Variants in SARM1 observed in about 807,000 individuals in gnomAD.
The protein encoded by SARM1 is sterile alpha and TIR motif containing 1.
A neutral mutation model predicts 65.1 loss-of-function variants in SARM1; 60 were observed. That is an observed-to-expected ratio of 0.92 (90% CI 0.75 to 1.14). The LOEUF (loss-of-function observed/expected upper bound fraction) is 1.14, where lower values mean the gene tolerates loss of function less well. SARM1 is among the 50% of genes most tolerant of loss of function. The probability of loss-of-function intolerance (pLI) is 0.00; values close to 1 mark genes in which losing one functional copy is unlikely to be tolerated. For synonymous variants in SARM1, 417 were observed against 465.4 expected (o/e 0.90, Z 1.34); for missense variants, 913 against 1,015.7 (o/e 0.90, Z 1.37).
At position 28,402,672 on chromosome 17, in the gene SARM1, C is replaced by T. The variant is rs1232362692; in HGVS notation, c.*6386C>T. On this transcript the variant is annotated 3_prime_UTR_variant, in exon 9 of 9. Transcript: ENST00000585482. ...TTTGGAGTCAGCCCTGAGTTCAAAA[C>T]CTGATGCCATTACATATTATCTGTG... is the stretch of plus-strand genomic sequence containing the variant. 4.9e-6 allele frequency: 1 copy of T among 205,304 alleles called. No individual in the cohort carries two copies. 12.7% of individuals were successfully genotyped at this position (205,304 alleles called of 1,614,324 possible).
rs1567809132 is a variant in SARM1, at chr17:28,388,400, T to A, written c.1784T>A (p.Val595Glu). 6.2e-7 allele frequency: 1 copy of A among 1,613,950 alleles called. No individual in the cohort carries two copies. Among genetic ancestry groups the A allele is most frequent in the South Asian group, 1.1e-5 (1 of 91,080 alleles). Residue 595 changes from valine (V) to glutamate (E), a missense_variant, in exon 7 of 9, where the codon GTG becomes GAG. By Grantham distance (121) the Val-to-Glu change is moderately radical. Coordinates refer to ENST00000585482, the MANE Select transcript of SARM1 (RefSeq NM_015077.4). The part of the protein sequence containing the change: ...QLHGFSVFID[V>E]EKLEAGKFED... ...CATGGCTTCAGTGTCTTCATTGATG[T>A]GGAGAAGCTGGAAGCAGGCAAGTTC... is the stretch of plus-strand genomic sequence containing the variant.
Position 28,381,059 on chromosome 17 carries a change from A to T in SARM1, c.471-144A>T. The T allele has an allele frequency of 4.2e-6, 4 of 961,498 alleles. No individual in the cohort carries two copies. In the South Asian group the frequency reaches 7.3e-5, roughly 18 times the overall value. 59.6% of individuals were successfully genotyped at this position (961,498 alleles called of 1,614,324 possible). On this transcript the variant is annotated intron_variant, in intron 1 of 8. Coordinates refer to ENST00000585482, the MANE Select transcript of SARM1 (RefSeq NM_015077.4). The stretch of plus-strand genomic sequence containing the variant: ...TGGGGTCCTCCCAGGGGAGGAGATG[A>T]GGGTGGGGAGCAGGGAGGGGAATGC...
At position 28,388,304 on chromosome 17, in the gene SARM1, G is replaced by T. The variant is rs557953224; in HGVS notation, c.1733+28G>T. 2.8e-5 allele frequency: 44 copies of T among 1,594,320 alleles called. 1 individual carries two copies. The African/African-American group carries it at 5.2e-4, about 19-fold the overall frequency. Reference sequence around the variant, plus strand: ...GAGGAGGGGCGGGCGGGCAGCGACGGGGCGTGGGGACAAGGCTGTGGCACT... The same window carrying T: ...GAGGAGGGGCGGGCGGGCAGCGACGTGGCGTGGGGACAAGGCTGTGGCACT... On this transcript the variant is annotated intron_variant, in intron 6 of 8. Coordinates refer to ENST00000585482, the MANE Select transcript of SARM1 (RefSeq NM_015077.4).
At position 28,381,202 on chromosome 17, in the gene SARM1, G is replaced by C. The variant is rs369515982; in HGVS notation, c.471-1G>C. The C allele has an allele frequency of 8.2e-6, 13 of 1,590,802 alleles. No individual in the cohort carries two copies. The highest frequency in any genetic ancestry group is 1.3e-5 in the African/African-American group (1 of 74,150). ...TGTCCCCTTCCACTTTCACTGGGCA[G>C]AGACCGCGTGGCGCGCATTGGGCTG... On this transcript the variant is annotated splice_acceptor_variant, in intron 1 of 8. Transcript: ENST00000585482. LOFTEE classifies it high-confidence loss of function.
At position 28,384,951 on chromosome 17, in the gene SARM1, C is replaced by T. The variant is rs782057307; in HGVS notation, c.1394+21C>T. ...AAGAGGTACGGAGCCTCCTGCCCGC[C>T]GGACCCCAGCTAGGTCTAAATAAGC... is the stretch of plus-strand genomic sequence containing the variant. On this transcript the variant is annotated intron_variant, in intron 4 of 8. Coordinates refer to ENST00000585482, the MANE Select transcript of SARM1 (RefSeq NM_015077.4). The surrounding 1 kb of genome is among the most constrained non-coding windows in gnomAD (Gnocchi z 4.4). 14 of 1,576,526 alleles carry T rather than the reference C, an allele frequency of 8.9e-6. No homozygotes were observed. The highest frequency in any genetic ancestry group is 2.3e-5 in the South Asian group (2 of 86,686).
At chr17:28,388,707 A>G (rs2068065441) in intron 7 of SARM1, among the ~76,000 whole-genome samples, 168 bp downstream of exon 7, 1 of 151,942 alleles carries the variant, frequency 6.6e-6, no homozygotes, top group African/African-American at 2.4e-5. Flanking sequence ...ATAGGACTTT[A>G]GCAAACCACA....
At chr17:28,374,591 G>C (rs1486716350) in intron 1 of SARM1, among the ~76,000 whole-genome samples, 4 of 152,112 alleles carry the variant, frequency 2.6e-5, no homozygotes, top group Non-Finnish European at 4.4e-5. Flanking sequence ...CATGAGAATG[G>C]GGCTGGAAAG....
intron 1 of SARM1, among the ~76,000 whole-genome samples, chr17:28,375,547 G>A (rs968484241): frequency 4.0e-5 from 6 of 149,930 alleles, no homozygotes; most frequent in South Asian, 2.1e-4. Flanking sequence ...GCAGTGAGCC[G>A]AGATCGTGCC....
At position 28,400,476 on chromosome 17, in the gene SARM1, G is replaced by C; in HGVS notation, c.*4190G>C. On this transcript the variant is annotated 3_prime_UTR_variant, in exon 9 of 9. Coordinates refer to ENST00000585482, the MANE Select transcript of SARM1 (RefSeq NM_015077.4). ...GATTAGGCAGCCATCTGCAAGGAGAGGGGCAACCTGGGACAAGACACCCAG... is the reference window on the plus strand; with the variant it reads ...GATTAGGCAGCCATCTGCAAGGAGACGGGCAACCTGGGACAAGACACCCAG... 1 of 1,242,834 alleles carries C rather than the reference G, an allele frequency of 8.0e-7. No individual in the cohort carries two copies. The highest frequency in any genetic ancestry group is 1.5e-5 in the South Asian group (1 of 65,500). The allele number at this position is 1,242,834 out of a possible 1,614,324, so 77.0% of individuals were successfully genotyped here.
In SARM1 at chr17:28,384,482, C is replaced by T. The variant is rs2068039455; in HGVS notation, c.1215C>T (p.Ile405=). Reference sequence around the variant, plus strand: ...TGGGCGAGGAGGTGCCACGGCCCATCCTGCCCTCCGTGCCCAGCTGGAAGG... The same window carrying T: ...TGGGCGAGGAGGTGCCACGGCCCATTCTGCCCTCCGTGCCCAGCTGGAAGG... The part of the protein sequence containing the change: ...RLLGEEVPRP[I]LPSVPSWKEA... Residue 405 remains isoleucine, a synonymous_variant, in exon 3 of 9, where the codon ATC becomes ATT. Coordinates refer to ENST00000585482, the MANE Select transcript of SARM1 (RefSeq NM_015077.4). This position sits in a 1 kb window ranked among gnomAD's most constrained non-coding sequence, Gnocchi z 4.4. 1 of 1,613,728 alleles carries T rather than the reference C, an allele frequency of 6.2e-7. No individual in the cohort carries two copies. Among genetic ancestry groups the T allele is most frequent in the Non-Finnish European group, 8.5e-7 (1 of 1,179,756 alleles).
intron 1 of SARM1, among the ~76,000 whole-genome samples, chr17:28,375,371 G>GC (rs58765625): frequency 1 from 152,328 of 152,330 alleles, 76,163 homozygotes; most frequent in Non-Finnish European, 1. Flanking sequence ...GCCCAGGCGG[G>GC]AGATTGCCTG....
rs781974970 is a variant in SARM1 at position 28,402,528 on chromosome 17, A to G, written c.*6242A>G. On this transcript the variant is annotated 3_prime_UTR_variant, in exon 9 of 9. Coordinates refer to ENST00000585482, the MANE Select transcript of SARM1 (RefSeq NM_015077.4). ...CTTGGCCACCTGCTAGCTCTCATGA[A>G]TGAATGCTAATTCCCATTGATTGCT... 1.9e-4 allele frequency: 96 copies of G among 496,320 alleles called. No homozygotes were observed. The highest frequency in any genetic ancestry group is 2.9e-4 in the Admixed American group (9 of 31,198). The allele number at this position is 496,320 out of a possible 1,614,324, so 30.7% of individuals were successfully genotyped here. A position where few individuals can be genotyped will look rare whatever the true frequency, so the allele number is the denominator to read the frequency against.
chr17:28,384,635 C>G lies in SARM1; in HGVS notation c.1302+66C>G. On this transcript the variant is annotated intron_variant, in intron 3 of 8. Transcript: ENST00000585482. The surrounding 1 kb of genome is among the most constrained non-coding windows in gnomAD (Gnocchi z 4.4). ...GCGCCCTGTGCACAGGGACTGCGTT[C>G]CCTCCCCGCCTCGCAATCCCGCGGC... The G allele has an allele frequency of 7.0e-7, 1 of 1,433,954 alleles. No individual in the cohort carries two copies. The highest frequency in any genetic ancestry group is 2.5e-5 in the East Asian group (1 of 40,156). The allele number at this position is 1,433,954 out of a possible 1,614,324, so 88.8% of individuals were successfully genotyped here.
At chr17:28,380,114 G>A (rs1264471635) in intron 1 of SARM1, among the ~76,000 whole-genome samples, 1 of 134,000 alleles carries the variant, frequency 7.5e-6, no homozygotes, top group Non-Finnish European at 1.5e-5. Context: ...TTGACACAGG[G>A]TCTCACTTTG....
In SARM1 at chr17:28,400,724, A is replaced by G. The variant is rs199727773; in HGVS notation, c.*4438A>G. 119 of 1,600,932 alleles carry G rather than the reference A, an allele frequency of 7.4e-5. No homozygotes were observed. Among genetic ancestry groups the G allele is most frequent in the Middle Eastern group, 1.7e-4 (1 of 5,866 alleles). ...GTTGAAGATGCCGGAGGCCGTCAGC[A>G]TGGCCAGGCTATTCACACAGGCCAC... On this transcript the variant is annotated 3_prime_UTR_variant, in exon 9 of 9. Coordinates refer to ENST00000585482, the MANE Select transcript of SARM1 (RefSeq NM_015077.4).
chr17:28,390,479 G>A (rs979828073), intron 7 of SARM1, among the ~76,000 whole-genome samples: 2 of 152,148 alleles, frequency 1.3e-5, no homozygotes, highest in East Asian at 3.8e-4. Flanking sequence ...AACTTGTGGA[G>A]CAATTTCAAG....
rs1555585790 is a variant in SARM1, at chr17:28,385,024, C to T, written c.1395-16C>T. 1.2e-6 allele frequency: 2 copies of T among 1,611,810 alleles called. No individual in the cohort carries two copies. Among genetic ancestry groups the T allele is most frequent in the Admixed American group, 1.7e-5 (1 of 59,914 alleles). On this transcript the variant is annotated splice_polypyrimidine_tract_variant and intron_variant, in intron 4 of 8. Coordinates refer to ENST00000585482, the MANE Select transcript of SARM1 (RefSeq NM_015077.4). The surrounding 1 kb of genome is among the most constrained non-coding windows in gnomAD (Gnocchi z 4.5). ...CCGAGTCTGGACCTCAGCGTCTTCT[C>T]CTCCGTGGGGTGCAGGTTCTTTAGG...
At chr17:28,392,727 G>A (rs1555587084) in intron 7 of SARM1, among the ~76,000 whole-genome samples, 2 of 152,110 alleles carry the variant, frequency 1.3e-5, no homozygotes, top group African/African-American at 4.8e-5. Flanking sequence ...TCCCCAGGAA[G>A]CCAGTCAAGG....
At chr17:28,386,016 G>A (rs11868053) in intron 5 of SARM1, among the ~76,000 whole-genome samples, 55 of 152,080 alleles carry the variant, frequency 3.6e-4, no homozygotes, top group African/African-American at 1.2e-3. Flanking sequence ...TTTGAGGGCC[G>A]GGCACCGTGG....
Sources: gnomAD v4.1 joint callset for allele counts (sites outside exome capture counted in the v4.1 genomes callset) on GRCh38, gnomAD v4.1.1 for gene constraint, Gnocchi (gnomAD v3.1) non-coding constraint, MANE v1.5 for transcripts, NCBI Gene and HGNC (gene_info 2026-07-23, HGNC 2026-07-21) for gene names.